CCSER1: variants seen among roughly 807,000 people sequenced by gnomAD.
CCSER1 encodes the protein coiled-coil serine rich protein 1.
CCSER1 carries 41 observed loss-of-function variants against 82.0 expected under a neutral mutation model. The ratio of observed to expected loss-of-function variants is 0.50; its 90% confidence interval spans 0.39 to 0.65. The LOEUF (loss-of-function observed/expected upper bound fraction) is 0.65, where lower values mean the gene tolerates loss of function less well. Ranked by LOEUF, CCSER1 falls within the 30% of genes least tolerant of loss-of-function variation. CCSER1 has a pLI of 0.00. For synonymous variants in CCSER1, 414 were observed against 383.9 expected (o/e 1.08, Z -0.92); for missense variants, 1,119 against 1,064.2 (o/e 1.05, Z -0.72).
At chr4:90,621,612 C>A (rs1393454680) in intron 5 of CCSER1, among the ~76,000 whole-genome samples, 2 of 152,134 alleles carry the variant, frequency 1.3e-5, no homozygotes, top group East Asian at 1.9e-4. Flanking sequence ...TGGGTCATCT[C>A]ATTTTTAGTG....
intron 8 of CCSER1, among the ~76,000 whole-genome samples, chr4:90,846,252 G>A (rs1443270570): frequency 3.3e-5 from 5 of 152,258 alleles, no homozygotes; most frequent in East Asian, 1.9e-4. Flanking sequence ...ATCCTTCAGC[G>A]TGAGAGTTAA....
At chr4:90,914,018 G>A (rs547747713) in intron 8 of CCSER1, among the ~76,000 whole-genome samples, 19 of 152,228 alleles carry the variant, frequency 1.2e-4, no homozygotes, top group African/African-American at 4.1e-4. Context: ...CCTACAAAGA[G>A]ACTTAGACTC....
intron 7 of CCSER1, among the ~76,000 whole-genome samples, chr4:90,728,116 AT>A (rs1273109723): frequency 6.6e-6 from 1 of 152,114 alleles, no homozygotes. Context: ...GGATGTTTGC[AT>A]TCCTGGAATG....
At chr4:90,246,969 C>G (rs1300755276) in intron 1 of CCSER1, among the ~76,000 whole-genome samples, 1 of 151,684 alleles carries the variant, frequency 6.6e-6, no homozygotes, top group Non-Finnish European at 1.5e-5. Flanking sequence ...TCACGGGGGC[C>G]ATTATTAAGT....
intron 6 of CCSER1, among the ~76,000 whole-genome samples, chr4:90,686,110 C>T (rs772476757): frequency 2.0e-5 from 3 of 152,102 alleles, no homozygotes; most frequent in Non-Finnish European, 2.9e-5. Flanking sequence ...GCTTCTAGCT[C>T]ACTGGAGTTC....
chr4:90,302,322 A>G (rs1357807479), intron 1 of CCSER1, among the ~76,000 whole-genome samples: 1 of 152,196 alleles, frequency 6.6e-6, no homozygotes, highest in Non-Finnish European at 1.5e-5. Context: ...GTAAAGGAGG[A>G]GTACCAGGTC....
rs375264000 is a variant in CCSER1, at chr4:91,559,708, C to T, written c.2218-38864C>T. On this transcript the variant is annotated intron_variant, in intron 10 of 10. Coordinates refer to ENST00000509176, the MANE Select transcript of CCSER1 (RefSeq NM_001145065.2). ...AGTAAATTATTAAAATAATAATTTCCAATTACAAAGAGGTATATTATTCTC... is the reference window on the plus strand; with the variant it reads ...AGTAAATTATTAAAATAATAATTTCTAATTACAAAGAGGTATATTATTCTC... 2.3e-4 allele frequency among the ~76,000 whole-genome samples: 35 copies of T among 151,206 alleles called. 1 individual carries two copies. In the East Asian group the frequency reaches 2.3e-3, roughly 10 times the overall value.
At position 91,482,171 on chromosome 4, in the gene CCSER1, G is replaced by A. The variant is rs1239145231; in HGVS notation, c.2218-116401G>A. On this transcript the variant is annotated intron_variant, in intron 10 of 10. Transcript: ENST00000509176. ...TAATCCCAGCACTTTGGGAGGCTGA[G>A]GCGGGTGGATCATGAGGTCAGGAGA... Among the ~76,000 whole-genome samples, 25 of 150,392 alleles carry A rather than the reference G, an allele frequency of 1.7e-4. No homozygotes were observed. The East Asian group carries it at 5.0e-3, about 30-fold the overall frequency.
intron 1 of CCSER1, among the ~76,000 whole-genome samples, chr4:90,147,602 A>G (rs1032749120): frequency 5.3e-5 from 8 of 152,204 alleles, no homozygotes; most frequent in African/African-American, 1.7e-4. Flanking sequence ...CATTTGAACA[A>G]TTCAGGTGTA....
chr4:90,712,917 T>A lies in CCSER1; in HGVS notation c.1933-10997T>A, dbSNP rs116193944. On this transcript the variant is annotated intron_variant, in intron 6 of 10. Transcript: ENST00000509176. ...GTCCTTCGTCTCTTTTTTTTTTTTT[T>A]AATCATTGTTGGTTTAAATTCTGTT... is the stretch of plus-strand genomic sequence containing the variant. 1.0e-2 allele frequency among the ~76,000 whole-genome samples: 1,488 copies of A among 149,238 alleles called. 14 individuals are homozygous for A. The highest frequency in any genetic ancestry group is 0.016 in the Non-Finnish European group (1,053 of 66,910).
chr4:90,403,799 G>A (rs1470089330), intron 4 of CCSER1: 1 of 152,152 alleles, frequency 6.6e-6, no homozygotes, highest in Admixed American at 6.5e-5. Flanking sequence ...GGCCAAGATT[G>A]ACTTTTTAAA....
intron 8 of CCSER1, among the ~76,000 whole-genome samples, chr4:90,816,626 T>C (rs1759056041): frequency 6.6e-6 from 1 of 152,042 alleles, no homozygotes; most frequent in Non-Finnish European, 1.5e-5. Context: ...ATCATTCATT[T>C]TTACACTAAT....
chr4:91,498,636 TCTC>T (rs1759055617), intron 10 of CCSER1, among the ~76,000 whole-genome samples: 1 of 151,842 alleles, frequency 6.6e-6, no homozygotes, highest in Non-Finnish European at 1.5e-5. Context: ...TAATTTTATT[TCTC>T]TTTTTTATTT....
chr4:91,122,767 G>C (rs1245360570), intron 10 of CCSER1, among the ~76,000 whole-genome samples: 1 of 151,688 alleles, frequency 6.6e-6, no homozygotes, highest in African/African-American at 2.4e-5. Context: ...TTAGGAAAAT[G>C]AGCCTATACA....
intron 3 of CCSER1, among the ~76,000 whole-genome samples, chr4:90,354,614 C>T (rs733661): frequency 0.68 from 103,070 of 151,854 alleles, 36,994 homozygotes; most frequent in African/African-American, 0.92. Flanking sequence ...ACAATTACTA[C>T]TTTTCAATTA....
intron 10 of CCSER1, among the ~76,000 whole-genome samples, chr4:91,541,610 C>G (rs1308380752): frequency 6.6e-6 from 1 of 152,170 alleles, no homozygotes; most frequent in Non-Finnish European, 1.5e-5. Flanking sequence ...GCCACATTTT[C>G]TTAATCCAGT....
chr4:90,445,038 A>T (rs1308156850), intron 4 of CCSER1, among the ~76,000 whole-genome samples: 1 of 145,766 alleles, frequency 6.9e-6, no homozygotes, highest in East Asian at 1.9e-4. Context: ...TCCCTCAATT[A>T]AAAAAAAACA....
chr4:90,648,284 G>GGAAAGAAAGAAAGAAAGAAAGAAAGGAAA, intron 6 of CCSER1, among the ~76,000 whole-genome samples: 2 of 89,956 alleles, frequency 2.2e-5, no homozygotes, highest in South Asian at 7.4e-4. Flanking sequence ...GAGAAAGAAA[G>GGAAAGAAAGAAAGAAAGAAAGAAAGGAAA]GAAAGAAAGA....
At chr4:91,065,801 G>A (rs1040623139) in intron 9 of CCSER1, among the ~76,000 whole-genome samples, 2 of 151,938 alleles carry the variant, frequency 1.3e-5, no homozygotes, top group Non-Finnish European at 1.5e-5. Context: ...ATTTTTCACC[G>A]AATCATACTG....
Sources: gnomAD v4.1 joint callset for allele counts (sites outside exome capture counted in the v4.1 genomes callset) on GRCh38, gnomAD v4.1.1 for gene constraint, MANE v1.5 for transcripts, NCBI Gene and HGNC (gene_info 2026-07-23, HGNC 2026-07-21) for gene names.